PTK2: variants seen among roughly 807,000 people sequenced by gnomAD.
PTK2 encodes the protein focal adhesion kinase 1.
Under a neutral mutation model 150.1 loss-of-function variants are expected in PTK2, and 45 were observed. That is an observed-to-expected ratio of 0.30 (90% CI 0.24 to 0.38). The LOEUF is 0.38. PTK2 is among the 10% of genes least tolerant of loss of function. The pLI, the probability that PTK2 is intolerant of heterozygous loss-of-function variation, is 1.00. For missense variants in PTK2, 919 were observed against 1,307.3 expected (o/e 0.70, Z 4.58); for synonymous variants, 432 against 449.2 (o/e 0.96, Z 0.48).
intron 14 of PTK2, among the ~76,000 whole-genome samples, chr8:140,778,420 C>G (rs2100079642): frequency 6.6e-6 from 1 of 152,222 alleles, no homozygotes; most frequent in South Asian, 2.1e-4. Context: ...CACTGCACTC[C>G]AGCCTGGGTG....
chr8:140,882,201 C>T (rs1347249406), intron 3 of PTK2, among the ~76,000 whole-genome samples: 1 of 152,162 alleles, frequency 6.6e-6, no homozygotes, highest in African/African-American at 2.4e-5. Flanking sequence ...GTGCTAAATG[C>T]ATATACTCAG....
At chr8:140,949,144 A>G (rs972481520) in intron 1 of PTK2, among the ~76,000 whole-genome samples, 4 of 152,080 alleles carry the variant, frequency 2.6e-5, no homozygotes, top group Non-Finnish European at 2.9e-5. Context: ...TAATATTTCT[A>G]TATTTCTTAA....
intron 5 of PTK2, among the ~76,000 whole-genome samples, chr8:140,850,242 A>G (rs556026886): frequency 2.6e-5 from 4 of 152,226 alleles, no homozygotes; most frequent in East Asian, 3.9e-4. Flanking sequence ...CCTGGCCAAC[A>G]TGGTGAAACC....
At chr8:140,928,300 A>G (rs1238518601) in intron 1 of PTK2, among the ~76,000 whole-genome samples, 1 of 152,192 alleles carries the variant, frequency 6.6e-6, no homozygotes, top group Non-Finnish European at 1.5e-5. Flanking sequence ...TTTAAAAAAT[A>G]GAAAATAAGG....
chr8:140,851,138 A>C (rs1467994025), intron 5 of PTK2, among the ~76,000 whole-genome samples: 2 of 152,240 alleles, frequency 1.3e-5, no homozygotes, highest in Non-Finnish European at 2.9e-5. Context: ...AGCCTAGCTG[A>C]CTGAGTTTTT....
intron 5 of PTK2, among the ~76,000 whole-genome samples, chr8:140,856,003 T>C (rs549258761): frequency 1.3e-5 from 2 of 152,256 alleles, no homozygotes; most frequent in African/African-American, 2.4e-5. Flanking sequence ...ACAATACATA[T>C]TGTACAAAAA....
At chr8:140,679,015 T>TG (rs1564185563) in intron 27 of PTK2, among the ~76,000 whole-genome samples, 21 of 31,200 alleles carry the variant, frequency 6.7e-4, no homozygotes, top group African/African-American at 1.9e-3. Flanking sequence ...TTTTTTTTTT[T>TG]TTTTTTTTTT....
chr8:140,790,810 C>T (rs1401539445), intron 13 of PTK2, among the ~76,000 whole-genome samples: 2 of 152,160 alleles, frequency 1.3e-5, no homozygotes, highest in African/African-American at 2.4e-5. Flanking sequence ...TCTTCCATTG[C>T]GCTACATGAT....
intron 2 of PTK2, among the ~76,000 whole-genome samples, chr8:140,897,422 G>A (rs2100156752): frequency 2.0e-5 from 3 of 151,972 alleles, no homozygotes; most frequent in Admixed American, 2.0e-4. Flanking sequence ...TTATCTGCTT[G>A]TCAAAATCTG....
intron 7 of PTK2, chr8:140,833,144 G>A (rs1205865999): frequency 2.1e-6 from 1 of 476,348 alleles, no homozygotes. Flanking sequence ...ACTAGGTATT[G>A]CTTTTACTTC....
chr8:140,691,233 T>TA (rs1275659605), intron 26 of PTK2, among the ~76,000 whole-genome samples: 1 of 151,990 alleles, frequency 6.6e-6, no homozygotes. Context: ...AGGCTGGTCT[T>TA]AAACTCCTGT....
chr8:140,766,247 G>A (rs990163568), intron 14 of PTK2, among the ~76,000 whole-genome samples: 1 of 152,168 alleles, frequency 6.6e-6, no homozygotes, highest in Non-Finnish European at 1.5e-5. Flanking sequence ...TTAAAAGCCT[G>A]TTCAGAAGCC....
intron 10 of PTK2, among the ~76,000 whole-genome samples, chr8:140,807,622 A>G (rs1300799046): frequency 1.3e-5 from 2 of 152,242 alleles, no homozygotes; most frequent in Non-Finnish European, 2.9e-5. Context: ...AGGCTGAGAT[A>G]TGCTGGTAGG....
At chr8:140,900,497 G>A (rs1042060207) in intron 2 of PTK2, among the ~76,000 whole-genome samples, 6 of 152,106 alleles carry the variant, frequency 3.9e-5, no homozygotes, top group South Asian at 2.1e-4. Context: ...CAAGGCAGGC[G>A]TATCACTAGA....
At chr8:140,942,647 C>T (rs11986662) in intron 1 of PTK2, among the ~76,000 whole-genome samples, 1,464 of 58,556 alleles carry the variant, frequency 0.025, 22 homozygotes, top group East Asian at 0.052. Flanking sequence ...TGTGTGTGTG[C>T]GCGCATATAT....
chr8:140,945,140 T>C (rs1210281377), intron 1 of PTK2, among the ~76,000 whole-genome samples: 1 of 152,206 alleles, frequency 6.6e-6, no homozygotes, highest in Non-Finnish European at 1.5e-5. Flanking sequence ...ATGAATTGGC[T>C]TGGATAGTTA....
At chr8:140,851,976 C>T (rs1450709774) in intron 5 of PTK2, among the ~76,000 whole-genome samples, 1 of 152,010 alleles carries the variant, frequency 6.6e-6, no homozygotes, top group African/African-American at 2.4e-5. Context: ...CACATGCACA[C>T]ATACATGTGT....
At chr8:140,793,495 C>T (rs2100089826) in intron 12 of PTK2, 111 bp from the exon 13 acceptor site, 2 of 1,155,538 alleles carry the variant, frequency 1.7e-6, no homozygotes, top group Admixed American at 2.5e-5. Context: ...CCAGCAATGA[C>T]CCTTTAAAGA....
chr8:140,969,238 T>C (rs1254090130), intron 1 of PTK2, among the ~76,000 whole-genome samples: 1 of 152,052 alleles, frequency 6.6e-6, no homozygotes, highest in African/African-American at 2.4e-5. Flanking sequence ...AATCCAAACT[T>C]ACTCTGCACA....
Sources: allele counts gnomAD v4.1 joint callset (sites outside exome capture counted in the v4.1 genomes callset), GRCh38; gene constraint gnomAD v4.1.1; transcripts MANE v1.5; gene names NCBI Gene and HGNC (gene_info 2026-07-23, HGNC 2026-07-21).